SYT2: variants seen among roughly 807,000 people sequenced by gnomAD.
SYT2 encodes synaptotagmin-2.
In SYT2, 15 loss-of-function variants were observed where a neutral mutation model predicts 39.9. That is an observed-to-expected ratio of 0.38 (90% CI 0.25 to 0.58). SYT2 has a LOEUF of 0.58. Among genes scored for constraint, SYT2 ranks in the 20% least tolerant of loss-of-function variants. The pLI is 0.70. For synonymous variants in SYT2, 181 were observed against 204.5 expected (o/e 0.89, Z 0.98); for missense variants, 389 against 530.3 (o/e 0.73, Z 2.62).
rs778573472 is a variant in SYT2, at chr1:202,650,932, A to G, written c.-17-45143T>C. 4.7e-4 allele frequency among the ~76,000 whole-genome samples: 72 copies of G among 152,120 alleles called. 1 individual carries two copies. Among genetic ancestry groups the G allele is most frequent in the Non-Finnish European group, 9.1e-4 (62 of 68,010 alleles). ...AATAGCGAGTGCTCCAGCGTGGAAG[A>G]AGGAGGACGCTGGGCATGCCGCCTG... On this transcript the variant is annotated intron_variant, in intron 1 of 8. Coordinates refer to ENST00000367268, the MANE Select transcript of SYT2 (RefSeq NM_177402.5).
intron 1 of SYT2, among the ~76,000 whole-genome samples, chr1:202,651,780 G>A (rs1692198616): frequency 6.6e-6 from 1 of 152,172 alleles, no homozygotes; most frequent in East Asian, 1.9e-4. Flanking sequence ...TCACACAGAG[G>A]GCAGGCGTGG....
chr1:202,662,033 T>C (rs1055264011), intron 1 of SYT2, among the ~76,000 whole-genome samples: 5 of 152,158 alleles, frequency 3.3e-5, no homozygotes, highest in African/African-American at 1.2e-4. Context: ...GTGATCACAA[T>C]GCAATGTACA....
At position 202,703,896 on chromosome 1, in the gene SYT2, C is replaced by T. The variant is rs117265443; in HGVS notation, c.-18+6362G>A. 1.5e-3 allele frequency among the ~76,000 whole-genome samples: 233 copies of T among 152,318 alleles called. 3 individuals are homozygous for T. The East Asian group carries it at 0.039, about 25-fold the overall frequency. On this transcript the variant is annotated intron_variant, in intron 1 of 8. Transcript: ENST00000367268. ...GCATGGAATAGTAATGGGTAAATTCCGTCTCTAATTGCAATATTTCCTAAT... is the reference window on the plus strand; with the variant it reads ...GCATGGAATAGTAATGGGTAAATTCTGTCTCTAATTGCAATATTTCCTAAT...
intron 1 of SYT2, among the ~76,000 whole-genome samples, chr1:202,655,299 A>G (rs1225183639): frequency 1.3e-5 from 2 of 152,228 alleles, no homozygotes; most frequent in African/African-American, 4.8e-5. Flanking sequence ...GAGGAAGCCC[A>G]GAATTATTCA....
At position 202,601,930 on chromosome 1, in the gene SYT2, A is replaced by G. The variant is rs1038995274; in HGVS notation, c.761T>C (p.Ile254Thr). The G allele has an allele frequency of 3.1e-6, 5 of 1,614,040 alleles. No homozygotes were observed. The highest frequency in any genetic ancestry group is 1.1e-5 in the South Asian group (1 of 91,072). Residue 254 changes from isoleucine to threonine, a missense_variant, in exon 6 of 9, where the codon ATT becomes ACT. Physicochemically the swap from Ile to Thr is moderately conservative, Grantham distance 89. Coordinates refer to ENST00000367268, the MANE Select transcript of SYT2 (RefSeq NM_177402.5). This position sits in a 1 kb window ranked among gnomAD's most constrained non-coding sequence, Gnocchi z 4.0. ...PMNTVDLGQP[I>T]EEWRDLQGGE... ...GCCTTGCAGGTCTCTCCACTCCTCA[A>G]TGGGCTGGCCGAGGTCCACTGTGTT... is the stretch of plus-strand genomic sequence containing the variant.
chr1:202,677,715 T>C (rs1653412079), intron 1 of SYT2, among the ~76,000 whole-genome samples: 1 of 152,166 alleles, frequency 6.6e-6, no homozygotes, highest in African/African-American at 2.4e-5. Context: ...TAATTTGAGG[T>C]GGTTTATTAT....
chr1:202,597,013 A>G lies in SYT2; in HGVS notation c.1054-50T>C, dbSNP rs377269099. 1.8e-4 allele frequency: 280 copies of G among 1,543,866 alleles called. 1 individual carries two copies. The highest frequency in any genetic ancestry group is 2.4e-4 in the Admixed American group (14 of 59,120). On this transcript the variant is annotated intron_variant, in intron 8 of 8. Transcript: ENST00000367268. ...TTGGCAGACAGAGACGTGGGATCCCATGACCAAATTTATCCTCCATCAACC... is the reference window on the plus strand; with the variant it reads ...TTGGCAGACAGAGACGTGGGATCCCGTGACCAAATTTATCCTCCATCAACC...
In SYT2 at chr1:202,660,337, T is replaced by C. The variant is rs1173780723; in HGVS notation, c.-18+49921A>G. 2.6e-5 allele frequency among the ~76,000 whole-genome samples: 4 copies of C among 152,214 alleles called. No individual in the cohort carries two copies. The East Asian group carries it at 7.7e-4, about 29-fold the overall frequency. On this transcript the variant is annotated intron_variant, in intron 1 of 8. Transcript: ENST00000367268. ...TCCTCATCTGTAAGAGGAAAAGTAATACTTCATAAGGCTGCTGGGAGGATC... is the reference window on the plus strand; with the variant it reads ...TCCTCATCTGTAAGAGGAAAAGTAACACTTCATAAGGCTGCTGGGAGGATC...
At chr1:202,664,809 A>ATG (rs1692452628) in intron 1 of SYT2, among the ~76,000 whole-genome samples, 2 of 152,108 alleles carry the variant, frequency 1.3e-5, no homozygotes, top group Non-Finnish European at 2.9e-5. Context: ...ACAGGTGCCC[A>ATG]CCACCATGCC....
rs1558421476 is a variant in SYT2, at chr1:202,599,267, G to A, written c.1004C>T (p.Pro335Leu). 1.9e-6 allele frequency: 3 copies of A among 1,611,206 alleles called. No homozygotes were observed. The highest frequency in any genetic ancestry group is 2.5e-6 in the Non-Finnish European group (3 of 1,179,144). The change falls in exon 8 of 9, where the codon CCA becomes CTA. Residue 335 changes from proline (P) to leucine (L), a missense_variant. Transcript: ENST00000367268. The surrounding 1 kb of genome is among the most constrained non-coding windows in gnomAD (Gnocchi z 4.4). The part of the protein sequence containing the change: ...KTTVKKKTLN[P>L]YFNESFSFEI... Reference sequence around the variant, plus strand: ...AAAGCTGAAGGACTCGTTGAAGTATGGGTTCAGGGTCTTCTTCTTCACGGT... The same window carrying A: ...AAAGCTGAAGGACTCGTTGAAGTATAGGTTCAGGGTCTTCTTCTTCACGGT...
Position 202,601,782 on chromosome 1 carries a change from C to G in SYT2, c.801+108G>C, listed in dbSNP as rs1690512076. 8.2e-7 allele frequency: 1 copy of G among 1,215,284 alleles called. No individual in the cohort carries two copies. The highest frequency in any genetic ancestry group is 2.0e-5 in the Admixed American group (1 of 48,938). 75.3% of individuals were successfully genotyped at this position (1,215,284 alleles called of 1,614,324 possible). A position where few individuals can be genotyped will look rare whatever the true frequency, so the allele number is the denominator to read the frequency against. On this transcript the variant is annotated intron_variant, in intron 6 of 8. Coordinates refer to ENST00000367268, the MANE Select transcript of SYT2 (RefSeq NM_177402.5). This position sits in a 1 kb window ranked among gnomAD's most constrained non-coding sequence, Gnocchi z 4.0. ...AGGCAGTGTGGAGCTGGGATCCTAA[C>G]ACAGGTCGTCTGCCTCCAAAGCCCA...
At chr1:202,663,784 C>T (rs1692431779) in intron 1 of SYT2, among the ~76,000 whole-genome samples, 1 of 152,140 alleles carries the variant, frequency 6.6e-6, no homozygotes, top group African/African-American at 2.4e-5. Flanking sequence ...GCAGGAAGAC[C>T]ACGGGGCAGC....
At chr1:202,643,420 G>T (rs1691990200) in intron 1 of SYT2, 1 of 152,482 alleles carries the variant, frequency 6.6e-6, no homozygotes, top group Admixed American at 6.5e-5. Context: ...TCGCTCCCGC[G>T]CTCGCTCGCT....
intron 1 of SYT2, among the ~76,000 whole-genome samples, chr1:202,671,848 G>A (rs1244928921): frequency 1.3e-5 from 2 of 152,086 alleles, no homozygotes; most frequent in African/African-American, 4.8e-5. Flanking sequence ...GCACACTGCA[G>A]AAGCTAAAAA....
At position 202,594,886 on chromosome 1, in the gene SYT2, T is replaced by C. The variant is rs1690233294; in HGVS notation, c.*1871A>G. 2 of 152,196 alleles carry C rather than the reference T, an allele frequency of 1.3e-5. No individual in the cohort carries two copies. Among genetic ancestry groups the C allele is most frequent in the African/African-American group, 4.8e-5 (2 of 41,446 alleles). 9.4% of individuals were successfully genotyped at this position (152,196 alleles called of 1,614,324 possible). ...AAAACCAAAAGCCCCTTCCCCCTTT[T>C]TAAAATAAAATAAAAAGACACTCTG... On this transcript the variant is annotated 3_prime_UTR_variant, in exon 9 of 9. Transcript: ENST00000367268.
intron 1 of SYT2, among the ~76,000 whole-genome samples, chr1:202,680,887 G>A (rs796969122): frequency 6.6e-5 from 10 of 152,232 alleles, no homozygotes; most frequent in African/African-American, 2.4e-4. Context: ...GTAGGCCCTG[G>A]GAAAATAGGG....
intron 3 of SYT2, 89 bp from the exon 4 acceptor site, chr1:202,603,207 C>T: frequency 6.5e-7 from 1 of 1,530,456 alleles, no homozygotes; most frequent in Non-Finnish European, 8.9e-7. Context: ...ACCAGCCCCT[C>T]TGTGGTAGAC....
intron 1 of SYT2, among the ~76,000 whole-genome samples, chr1:202,669,225 AT>A (rs547424362): frequency 6.6e-6 from 1 of 152,166 alleles, no homozygotes; most frequent in Non-Finnish European, 1.5e-5. Context: ...CTAATGTTTA[AT>A]TTTTATCTTT....
At chr1:202,706,269 A>G (rs1654248201) in intron 1 of SYT2, among the ~76,000 whole-genome samples, 1 of 151,962 alleles carries the variant, frequency 6.6e-6, no homozygotes. Context: ...GATGAAATGC[A>G]GGACTGACCA....
Sources: allele counts gnomAD v4.1 joint callset (sites outside exome capture counted in the v4.1 genomes callset), GRCh38; gene constraint gnomAD v4.1.1; non-coding constraint Gnocchi (gnomAD v3.1); transcripts MANE v1.5; gene names NCBI Gene and HGNC (gene_info 2026-07-23, HGNC 2026-07-21).